The following PRKN variants were observed in gnomAD, a reference collection of about 807,000 sequenced individuals.
PRKN encodes parkin RBR E3 ubiquitin protein ligase, also known as E3 ubiquitin-protein ligase parkin.
PRKN carries 56 observed loss-of-function variants against 59.5 expected under a neutral mutation model. That is an observed-to-expected ratio of 0.94 (90% confidence interval 0.76 to 1.18). The LOEUF is 1.18. PRKN is among the 50% of genes most tolerant of loss of function. The pLI, the probability that PRKN is intolerant of heterozygous loss-of-function variation, is 0.00. For missense variants in PRKN, 657 were observed against 596.4 expected, an observed-to-expected ratio of 1.10 and a Z score of -1.06; for synonymous variants, 250 against 222.1, an observed-to-expected ratio of 1.13 and a Z score of -1.12.
intron 7 of PRKN, among the ~76,000 whole-genome samples, chr6:161,642,511 T>A (rs1328670675): frequency 6.6e-6 from 1 of 152,166 alleles, no homozygotes; most frequent in African/African-American, 2.4e-5. Context: ...TCCTCTTTCA[T>A]TCTGGAAATC....
At chr6:161,479,940 A>C (rs578220214) in intron 9 of PRKN, among the ~76,000 whole-genome samples, 7 of 152,300 alleles carry the variant, frequency 4.6e-5, no homozygotes, top group African/African-American at 1.7e-4. Context: ...AAGAGTTGTG[A>C]GCACCAGTGA....
At chr6:162,488,858 C>T (rs1183687633) in intron 1 of PRKN, among the ~76,000 whole-genome samples, 1 of 152,158 alleles carries the variant, frequency 6.6e-6, no homozygotes, top group African/African-American at 2.4e-5. Context: ...GGAGTTTACA[C>T]TCTAGCAGGA....
intron 6 of PRKN, among the ~76,000 whole-genome samples, chr6:161,848,204 T>C (rs1793279246): frequency 6.6e-6 from 1 of 152,218 alleles, no homozygotes; most frequent in Non-Finnish European, 1.5e-5. Flanking sequence ...TGTTGTATTT[T>C]TCTTTTTGGG....
At chr6:162,326,036 A>G (rs566029375) in intron 2 of PRKN, among the ~76,000 whole-genome samples, 3 of 152,260 alleles carry the variant, frequency 2.0e-5, no homozygotes, top group South Asian at 4.2e-4. Flanking sequence ...AAGGAGTCCA[A>G]ATTCCTTTAC....
At chr6:161,937,562 A>C (rs1199765957) in intron 6 of PRKN, among the ~76,000 whole-genome samples, 1 of 152,224 alleles carries the variant, frequency 6.6e-6, no homozygotes, top group Non-Finnish European at 1.5e-5. Context: ...GCTCTGAACT[A>C]CTGACATTTC....
intron 6 of PRKN, among the ~76,000 whole-genome samples, chr6:161,971,840 A>G (rs1780820323): frequency 6.6e-6 from 1 of 152,220 alleles, no homozygotes; most frequent in African/African-American, 2.4e-5. Flanking sequence ...AGCAACTTTA[A>G]AAGACCATCT....
chr6:162,098,599 AC>A (rs1779842378), intron 4 of PRKN, among the ~76,000 whole-genome samples: 1 of 152,188 alleles, frequency 6.6e-6, no homozygotes, highest in African/African-American at 2.4e-5. Flanking sequence ...GTGCTTACGT[AC>A]AACCTTTCAG....
intron 1 of PRKN, among the ~76,000 whole-genome samples, chr6:162,464,900 C>T (rs1583617728): frequency 6.7e-6 from 1 of 150,296 alleles, no homozygotes; most frequent in Non-Finnish European, 1.5e-5. Context: ...AGAGCCCCCC[C>T]TCCTCCTTCT....
At chr6:161,901,062 C>T (rs1339579369) in intron 6 of PRKN, among the ~76,000 whole-genome samples, 3 of 151,420 alleles carry the variant, frequency 2.0e-5, no homozygotes, top group Non-Finnish European at 2.9e-5. Flanking sequence ...ACTACAGGCA[C>T]ATGCCAGGAC....
intron 6 of PRKN, among the ~76,000 whole-genome samples, chr6:161,805,615 C>T (rs1211020176): frequency 6.6e-6 from 1 of 152,144 alleles, no homozygotes; most frequent in South Asian, 2.1e-4. Flanking sequence ...CTCCGATGGC[C>T]ATCACTACCC....
At chr6:162,160,741 C>G (rs1404993916) in intron 4 of PRKN, among the ~76,000 whole-genome samples, 1 of 151,778 alleles carries the variant, frequency 6.6e-6, no homozygotes, top group Non-Finnish European at 1.5e-5. Context: ...ACTCAAGGAA[C>G]TGTGCTTTAA....
chr6:162,542,925 C>T (rs13210901), intron 1 of PRKN, among the ~76,000 whole-genome samples: 13,235 of 152,120 alleles, frequency 0.087, 723 homozygotes, highest in South Asian at 0.18. Context: ...CACTGATGGA[C>T]ACCTCCAGCC....
At chr6:162,575,067 A>C (rs1047018458) in intron 1 of PRKN, among the ~76,000 whole-genome samples, 9 of 152,074 alleles carry the variant, frequency 5.9e-5, no homozygotes, top group African/African-American at 2.2e-4. Context: ...TATGTAATCA[A>C]ACTCATCAGT....
chr6:161,872,400 T>C (rs940395091), intron 6 of PRKN, among the ~76,000 whole-genome samples: 2 of 152,182 alleles, frequency 1.3e-5, no homozygotes, highest in African/African-American at 4.8e-5. Flanking sequence ...AGGACACTTG[T>C]ATTGCTTTAT....
At chr6:162,506,726 G>C (rs1793624294) in intron 1 of PRKN, among the ~76,000 whole-genome samples, 1 of 152,104 alleles carries the variant, frequency 6.6e-6, no homozygotes, top group African/African-American at 2.4e-5. Context: ...AATACAGTGG[G>C]AAGAGATGAC....
intron 7 of PRKN, among the ~76,000 whole-genome samples, chr6:161,635,251 A>T (rs1427552510): frequency 6.6e-6 from 1 of 152,212 alleles, no homozygotes; most frequent in Non-Finnish European, 1.5e-5. Flanking sequence ...AAAAACATCA[A>T]CCAGAAAAAT....
At chr6:162,486,580 G>C (rs1792548754) in intron 1 of PRKN, among the ~76,000 whole-genome samples, 1 of 152,224 alleles carries the variant, frequency 6.6e-6, no homozygotes, top group African/African-American at 2.4e-5. Context: ...TTCTGGGTCA[G>C]AGAACATGTC....
chr6:161,350,830 A>T (rs1410164026), intron 11 of PRKN, among the ~76,000 whole-genome samples: 6 of 78,684 alleles, frequency 7.6e-5, no homozygotes, highest in South Asian at 5.6e-4. Flanking sequence ...TTATATTTAA[A>T]ATATATATAT....
chr6:162,385,675 T>A (rs1015170335), intron 2 of PRKN, among the ~76,000 whole-genome samples: 3 of 152,054 alleles, frequency 2.0e-5, no homozygotes, highest in Non-Finnish European at 2.9e-5. Flanking sequence ...CATTACTGAG[T>A]TTCATGCAGA....
Sources: allele counts gnomAD v4.1 joint callset (sites outside exome capture counted in the v4.1 genomes callset), GRCh38; gene constraint gnomAD v4.1.1; transcripts MANE v1.5; gene names NCBI Gene and HGNC (gene_info 2026-07-23, HGNC 2026-07-21).